C1S: variants seen among roughly 807,000 people sequenced by gnomAD.
The protein encoded by C1S is complement C1s, also known as complement C1s subcomponent.
C1S carries 31 observed loss-of-function variants against 54.0 expected under a neutral mutation model. That is an observed-to-expected ratio of 0.57 (90% CI 0.43 to 0.78). The LOEUF is 0.78. C1S is among the 30% of genes least tolerant of loss of function. The pLI is 0.00. For synonymous variants in C1S, 292 were observed against 303.6 expected, an observed-to-expected ratio of 0.96 and a Z score of 0.40; for missense variants, 727 against 851.8, an observed-to-expected ratio of 0.85 and a Z score of 1.82.
Position 7,064,481 on chromosome 12 carries a change from G to A in C1S, c.517+89G>A, listed in dbSNP as rs1303092644. 12 of 1,396,298 alleles carry A rather than the reference G, an allele frequency of 8.6e-6. No homozygotes were observed. In the Admixed American group the frequency reaches 1.7e-4, roughly 20 times the overall value. 86.5% of individuals were successfully genotyped at this position (1,396,298 alleles called of 1,614,324 possible). A position where few individuals can be genotyped will look rare whatever the true frequency, so the allele number is the denominator to read the frequency against. The stretch of plus-strand genomic sequence containing the variant: ...GGGCTTTGTCCACCCTTCCAACTTC[G>A]ATTAGGCCAAGCCTTCATTTGGCAC... On this transcript the variant is annotated intron_variant, in intron 5 of 11. Transcript: ENST00000360817.
intron 4 of C1S, chr12:7,063,412 A>G: frequency 2.2e-6 from 1 of 459,392 alleles, no homozygotes; most frequent in Non-Finnish European, 4.4e-6. Flanking sequence ...ATAAAGATGA[A>G]GAAAATAAGG....
chr12:7,067,311 GTT>G (rs1555162436), intron 9 of C1S, 194 bp downstream of exon 9: 1 of 648,854 alleles, frequency 1.5e-6, no homozygotes, highest in Non-Finnish European at 2.8e-6. Context: ...AGATCGGCAT[GTT>G]TCTTTCCAAG....
chr12:7,061,527 C>T (rs782425907), intron 1 of C1S: 7 of 359,798 alleles, frequency 1.9e-5, no homozygotes, highest in Admixed American at 7.5e-5. Context: ...AGACTGATAC[C>T]GCGGGGGTGG....
At chr12:7,068,810 A>G (rs1272552084) in intron 11 of C1S, 4 of 474,728 alleles carry the variant, frequency 8.4e-6, no homozygotes, top group Non-Finnish European at 1.5e-5. Flanking sequence ...ACTGCTAAAA[A>G]CAGGGCCTGA....
intron 5 of C1S, 70 bp from the exon 6 acceptor site, chr12:7,065,030 C>A: frequency 1.5e-6 from 2 of 1,301,176 alleles, no homozygotes; most frequent in East Asian, 2.3e-5. Context: ...GAGAAGGAAT[C>A]ATAGAATAGT....
Position 7,070,603 on chromosome 12 carries a change from C to T in C1S, c.2019C>T (p.Asp673=). 2 of 1,614,172 alleles carry T rather than the reference C, an allele frequency of 1.2e-6. No individual in the cohort carries two copies. The highest frequency in any genetic ancestry group is 1.7e-4 in the Middle Eastern group (1 of 6,046). The change falls in exon 12 of 12, where the codon GAC becomes GAT. Residue 673 remains aspartate, a synonymous_variant. Coordinates refer to ENST00000360817, the MANE Select transcript of C1S (RefSeq NM_001734.5). This position sits in a 1 kb window ranked among gnomAD's most constrained non-coding sequence, Gnocchi z 4.9. ...ACACACGGGTAAAGAACTATGTTGA[C>T]TGGATAATGAAGACTATGCAGGAAA... is the stretch of plus-strand genomic sequence containing the variant. ...GLYTRVKNYV[D]WIMKTMQENS... is the part of the protein sequence containing the mutation.
chr12:7,067,551 G>A, intron 9 of C1S, 92 bp from the exon 10 acceptor site: 5 of 1,419,616 alleles, frequency 3.5e-6, no homozygotes, highest in Admixed American at 1.7e-5. Context: ...TGGATATGGG[G>A]TGGGGAAGCA....
intron 4 of C1S, chr12:7,063,332 G>A: frequency 1.8e-6 from 1 of 542,366 alleles, no homozygotes; most frequent in Non-Finnish European, 3.5e-6. Flanking sequence ...ATGTATTGGG[G>A]ATTGGGGATT....
Position 7,070,564 on chromosome 12 carries a change from G to A in C1S, c.1980G>A (p.Gly660=), listed in dbSNP as rs1565625318. The change falls in exon 12 of 12, where the codon GGG becomes GGA. Residue 660 remains glycine (G), a synonymous_variant. Transcript: ENST00000360817. This position sits in a 1 kb window ranked among gnomAD's most constrained non-coding sequence, Gnocchi z 4.9. Reference sequence around the variant, plus strand: ...TGGTGTCCTGGGGGCCCCAGTGTGGGACCTATGGGCTCTACACACGGGTAA... The same window carrying A: ...TGGTGTCCTGGGGGCCCCAGTGTGGAACCTATGGGCTCTACACACGGGTAA... ...AGLVSWGPQC[G]TYGLYTRVKN... 6.2e-7 allele frequency: 1 copy of A among 1,614,022 alleles called. No homozygotes were observed. Among genetic ancestry groups the A allele is most frequent in the Non-Finnish European group, 8.5e-7 (1 of 1,179,972 alleles).
chr12:7,061,455 A>G (rs1292365532), intron 1 of C1S: 7 of 308,568 alleles, frequency 2.3e-5, no homozygotes, highest in African/African-American at 1.3e-4. Flanking sequence ...GATGATCATG[A>G]TGCGCCAAGA....
intron 7 of C1S, 195 bp downstream of exon 7, chr12:7,066,165 G>A (rs1213462780): frequency 1.6e-6 from 1 of 639,314 alleles, no homozygotes. Flanking sequence ...GCAAAACCTT[G>A]TCTCTAAAAC....
chr12:7,067,876 T>C lies in C1S; in HGVS notation c.1195+105T>C, dbSNP rs1159841713. ...AGAGTTTGGAGACAAATGAAGGCGA[T>C]AGGACAGACATTGTTCATCCCCTTG... On this transcript the variant is annotated intron_variant, in intron 10 of 11. Coordinates refer to ENST00000360817, the MANE Select transcript of C1S (RefSeq NM_001734.5). 15 of 1,207,504 alleles carry C rather than the reference T, an allele frequency of 1.2e-5. 1 individual carries two copies. The South Asian group carries it at 1.5e-4, about 12-fold the overall frequency. 74.8% of individuals were successfully genotyped at this position (1,207,504 alleles called of 1,614,324 possible). A position where few individuals can be genotyped will look rare whatever the true frequency, so the allele number is the denominator to read the frequency against.
intron 9 of C1S, chr12:7,067,352 T>C: frequency 1.6e-6 from 1 of 624,922 alleles, no homozygotes; most frequent in Admixed American, 2.6e-5. Context: ...GTCGAGTTAG[T>C]AGCCCCACGT....
chr12:7,062,451 C>T, intron 2 of C1S, 24 bp from the exon 3 acceptor site: 1 of 1,596,056 alleles, frequency 6.3e-7, no homozygotes, highest in Non-Finnish European at 8.6e-7. Context: ...GGTCACCCGC[C>T]AATCTATGCC....
chr12:7,070,189 G>A lies in C1S; in HGVS notation c.1605G>A (p.Leu535=), dbSNP rs782602068. ...ATAATGACATTGCACTGGTGCGGCT[G>A]AAAGACCCAGTGAAAATGGGACCCA... ...NFDNDIALVR[L]KDPVKMGPTV... is the part of the protein sequence containing the mutation. Residue 535 remains leucine, a synonymous_variant, in exon 12 of 12, where the codon CTG becomes CTA. Coordinates refer to ENST00000360817, the MANE Select transcript of C1S (RefSeq NM_001734.5). The surrounding 1 kb of genome is among the most constrained non-coding windows in gnomAD (Gnocchi z 4.9). 7 of 1,614,202 alleles carry A rather than the reference G, an allele frequency of 4.3e-6. No homozygotes were observed. The South Asian group carries it at 7.7e-5, about 18-fold the overall frequency.
chr12:7,066,688 G>A, intron 8 of C1S, 55 bp downstream of exon 8: 2 of 1,028,388 alleles, frequency 1.9e-6, no homozygotes, highest in South Asian at 2.5e-5. Flanking sequence ...AGGATGAGCG[G>A]ACTGAAATTG....
chr12:7,067,537 C>T, intron 9 of C1S, 106 bp from the exon 10 acceptor site: 4 of 1,270,568 alleles, frequency 3.1e-6, no homozygotes, highest in Non-Finnish European at 4.6e-6. Context: ...CCCAGGTGTG[C>T]CTGTGGATAT....
At position 7,061,765 on chromosome 12, in the gene C1S, C is replaced by T. The variant is rs114959875; in HGVS notation, c.-74-74C>T. 1,631 of 796,900 alleles carry T rather than the reference C, an allele frequency of 2.0e-3. 20 individuals are homozygous for T. The African/African-American group carries it at 0.024, about 12-fold the overall frequency. 49.4% of individuals were successfully genotyped at this position (796,900 alleles called of 1,614,324 possible). ...ATACCTTTGAAGGTGACACTGAGCC[C>T]CAGGTGACGCCGCACCACCAAAGAA... On this transcript the variant is annotated intron_variant, in intron 1 of 11. Transcript: ENST00000360817.
Position 7,062,618 on chromosome 12 carries a change from T to C in C1S, c.149T>C (p.Ile50Thr). 1 of 1,614,146 alleles carries C rather than the reference T, an allele frequency of 6.2e-7. No homozygotes were observed. The highest frequency in any genetic ancestry group is 8.5e-7 in the Non-Finnish European group (1 of 1,180,024). The change falls in exon 3 of 12, where the codon ATT (isoleucine) becomes ACT (threonine). Residue 50 changes from isoleucine (I) to threonine (T), a missense_variant. This residue lies in a region of C1S where 357 missense variants were observed against 365.4 expected (regional missense o/e 0.98). Coordinates refer to ENST00000360817, the MANE Select transcript of C1S (RefSeq NM_001734.5). ...ATAGAAGTTCCTGAAGGGTATGGGATTCACCTCTACTTCACCCATCTGGAC... is the reference window on the plus strand; with the variant it reads ...ATAGAAGTTCCTGAAGGGTATGGGACTCACCTCTACTTCACCCATCTGGAC... ...WDIEVPEGYG[I>T]HLYFTHLDIE...
Sources: gnomAD v4.1 joint callset for allele counts on GRCh38, gnomAD v4.1.1 for gene constraint, gnomAD v4.1.1 regional missense constraint, Gnocchi (gnomAD v3.1) non-coding constraint, MANE v1.5 for transcripts, NCBI Gene and HGNC (gene_info 2026-07-23, HGNC 2026-07-21) for gene names.